Variants in IGFBP2 observed in about 807,000 individuals in gnomAD.
IGFBP2 encodes the protein insulin-like growth factor-binding protein 2.
In IGFBP2, 12 loss-of-function variants were observed where a neutral mutation model predicts 26.2. That is an observed-to-expected ratio of 0.46 (90% CI 0.29 to 0.74). IGFBP2 has a LOEUF of 0.74. IGFBP2 is among the 30% of genes least tolerant of loss of function. The pLI is 0.09. For synonymous variants in IGFBP2, 189 were observed against 200.6 expected (o/e 0.94, Z 0.49); for missense variants, 328 against 441.2 (o/e 0.74, Z 2.30).
intron 1 of IGFBP2, among the ~76,000 whole-genome samples, chr2:216,642,567 A>G (rs554461436): frequency 1.8e-3 from 267 of 152,194 alleles, no homozygotes; most frequent in African/African-American, 6.2e-3. Flanking sequence ...CGGCCTCCCA[A>G]AGTGCTGGGA....
chr2:216,662,066 T>G (rs1362097245), intron 3 of IGFBP2, 68 bp downstream of exon 3: 12 of 1,548,478 alleles, frequency 7.7e-6, no homozygotes, highest in Non-Finnish European at 8.8e-6. Context: ...GTGCCTTGTT[T>G]CTGCCCCACC....
intron 1 of IGFBP2, among the ~76,000 whole-genome samples, chr2:216,647,851 G>A (rs1329357981): frequency 6.6e-6 from 1 of 151,984 alleles, no homozygotes; most frequent in Admixed American, 6.6e-5. Flanking sequence ...GACAAGCTCT[G>A]GCTCTGTCAC....
At chr2:216,656,659 C>G (rs949169585) in intron 1 of IGFBP2, among the ~76,000 whole-genome samples, 2 of 151,948 alleles carry the variant, frequency 1.3e-5, no homozygotes, top group Non-Finnish European at 2.9e-5. Flanking sequence ...TTCGGGTGAG[C>G]GGCTCCTTCC....
At chr2:216,656,213 G>C (rs1434722693) in intron 1 of IGFBP2, among the ~76,000 whole-genome samples, 1 of 152,150 alleles carries the variant, frequency 6.6e-6, no homozygotes, top group African/African-American at 2.4e-5. Flanking sequence ...GCCAAGGGAT[G>C]GTTCTTTGGC....
intron 3 of IGFBP2, chr2:216,662,232 C>G (rs1688671548): frequency 3.5e-6 from 2 of 563,564 alleles, no homozygotes; most frequent in Admixed American, 6.2e-5. Flanking sequence ...TGCCCACCGG[C>G]CTCACTTGGA....
chr2:216,640,193 C>T (rs188506808), intron 1 of IGFBP2, among the ~76,000 whole-genome samples: 1 of 152,150 alleles, frequency 6.6e-6, no homozygotes, highest in African/African-American at 2.4e-5. Flanking sequence ...GTCTCAGCCT[C>T]AGAGATCCAT....
chr2:216,659,562 C>T (rs527283037), intron 1 of IGFBP2: 33 of 644,522 alleles, frequency 5.1e-5, no homozygotes, highest in South Asian at 1.0e-4. Context: ...ACAGCTCTGC[C>T]GTGCGATTCA....
chr2:216,648,380 A>C (rs1383295130), intron 1 of IGFBP2, among the ~76,000 whole-genome samples: 2 of 152,050 alleles, frequency 1.3e-5, no homozygotes, highest in African/African-American at 4.8e-5. Flanking sequence ...CTCATTTCCG[A>C]GTTCTTCATG....
chr2:216,648,553 T>C (rs1697759289), intron 1 of IGFBP2, among the ~76,000 whole-genome samples: 1 of 152,178 alleles, frequency 6.6e-6, no homozygotes, highest in Non-Finnish European at 1.5e-5. Context: ...AGGTTACTGA[T>C]AGCTCTGCTT....
Position 216,642,771 on chromosome 2 carries a change from G to A in IGFBP2, c.442+8806G>A, listed in dbSNP as rs116081742. On this transcript the variant is annotated intron_variant, in intron 1 of 3. Coordinates refer to ENST00000233809, the MANE Select transcript of IGFBP2 (RefSeq NM_000597.3). ...GTGGCCCCAGAGCTTGGACATCTGG[G>A]TTCTCATGCTGGCCTTGCTGCTCAT... 2.9e-3 allele frequency among the ~76,000 whole-genome samples: 435 copies of A among 152,274 alleles called. 3 individuals are homozygous for A. Among genetic ancestry groups the A allele is most frequent in the African/African-American group, 9.9e-3 (411 of 41,554 alleles).
intron 1 of IGFBP2, among the ~76,000 whole-genome samples, chr2:216,651,912 C>G (rs1423851466): frequency 6.6e-6 from 1 of 152,188 alleles, no homozygotes; most frequent in Non-Finnish European, 1.5e-5. Context: ...CAGGCATGTG[C>G]CACCATGCCC....
At chr2:216,656,368 T>C (rs1018880616) in intron 1 of IGFBP2, among the ~76,000 whole-genome samples, 2 of 152,200 alleles carry the variant, frequency 1.3e-5, no homozygotes, top group African/African-American at 2.4e-5. Flanking sequence ...CGGAGGGGTC[T>C]TAGCCGTGGA....
At chr2:216,637,587 T>A (rs1697526570) in intron 1 of IGFBP2, among the ~76,000 whole-genome samples, 1 of 152,202 alleles carries the variant, frequency 6.6e-6, no homozygotes, top group Non-Finnish European at 1.5e-5. Flanking sequence ...AGACAAGATA[T>A]TTGAGGAAGG....
At chr2:216,645,515 A>G (rs943849507) in intron 1 of IGFBP2, among the ~76,000 whole-genome samples, 1 of 152,184 alleles carries the variant, frequency 6.6e-6, no homozygotes, top group Non-Finnish European at 1.5e-5. Flanking sequence ...TTCATTTATC[A>G]AGTGTGAGGG....
At chr2:216,651,995 C>T (rs888254022) in intron 1 of IGFBP2, among the ~76,000 whole-genome samples, 14 of 152,192 alleles carry the variant, frequency 9.2e-5, no homozygotes, top group Admixed American at 2.6e-4. Flanking sequence ...CTCCTGGCCT[C>T]AAATGACCCG....
At chr2:216,663,905 G>A in intron 3 of IGFBP2, 35 bp from the exon 4 acceptor site, 2 of 1,586,914 alleles carry the variant, frequency 1.3e-6, no homozygotes, top group Non-Finnish European at 1.7e-6. Flanking sequence ...GTTGCTGGCT[G>A]CGGGCTCCTC....
chr2:216,655,030 A>G (rs1697891597), intron 1 of IGFBP2, among the ~76,000 whole-genome samples: 2 of 152,064 alleles, frequency 1.3e-5, no homozygotes. Flanking sequence ...AAAAACATAT[A>G]TTTTTAAAAT....
intron 1 of IGFBP2, among the ~76,000 whole-genome samples, chr2:216,639,880 T>A (rs1032869768): frequency 6.6e-6 from 1 of 152,144 alleles, no homozygotes; most frequent in African/African-American, 2.4e-5. Flanking sequence ...GGACCTCAGG[T>A]GATCCTCCCG....
chr2:216,637,251 T>TAGCG (rs1436318943), intron 1 of IGFBP2, among the ~76,000 whole-genome samples: 1 of 152,196 alleles, frequency 6.6e-6, no homozygotes, highest in Non-Finnish European at 1.5e-5. Flanking sequence ...TAAGCAGCGC[T>TAGCG]GCCTGAGTCA....
Sources: allele counts gnomAD v4.1 joint callset (sites outside exome capture counted in the v4.1 genomes callset), GRCh38; gene constraint gnomAD v4.1.1; transcripts MANE v1.5; gene names NCBI Gene and HGNC (gene_info 2026-07-23, HGNC 2026-07-21).